ROBO1: variants seen among roughly 807,000 people sequenced by gnomAD.
The protein encoded by ROBO1 is roundabout guidance receptor 1, also known as roundabout homolog 1.
ROBO1 carries 149 observed loss-of-function variants against 195.9 expected under a neutral mutation model. The observed-to-expected ratio is 0.76, with a 90% CI of 0.67 to 0.87. ROBO1 has a LOEUF of 0.87. ROBO1 is among the 40% of genes least tolerant of loss of function. The pLI, the probability that ROBO1 is intolerant of heterozygous loss-of-function variation, is 0.00. For missense variants in ROBO1, 1,933 were observed against 2,068.3 expected (o/e 0.93, Z 1.27); for synonymous variants, 816 against 733.2 (o/e 1.11, Z -1.82).
chr3:79,681,895 A>G (rs891891718), intron 1 of ROBO1, among the ~76,000 whole-genome samples: 4 of 152,042 alleles, frequency 2.6e-5, no homozygotes, highest in Non-Finnish European at 5.9e-5. Context: ...TTATGTTTGT[A>G]TGCTTGCTGA....
intron 1 of ROBO1, among the ~76,000 whole-genome samples, chr3:79,682,499 C>G (rs1468709966): frequency 1.3e-5 from 2 of 151,994 alleles, no homozygotes; most frequent in Non-Finnish European, 2.9e-5. Context: ...CTCCTAAAAT[C>G]ATATATCAGA....
intron 2 of ROBO1, among the ~76,000 whole-genome samples, chr3:79,311,571 A>C (rs1359756880): frequency 6.6e-6 from 1 of 152,186 alleles, no homozygotes; most frequent in Non-Finnish European, 1.5e-5. Flanking sequence ...GAAGACATAG[A>C]GATCTAGGTC....
chr3:79,448,688 T>G (rs1174630198), intron 2 of ROBO1, among the ~76,000 whole-genome samples: 1 of 152,176 alleles, frequency 6.6e-6, no homozygotes, highest in Non-Finnish European at 1.5e-5. Flanking sequence ...CTTTTTCTTC[T>G]TTTAGTAATA....
intron 2 of ROBO1, among the ~76,000 whole-genome samples, chr3:79,523,188 C>T (rs1251229653): frequency 6.7e-6 from 1 of 149,306 alleles, no homozygotes; most frequent in South Asian, 2.1e-4. Flanking sequence ...CACACACACA[C>T]ACACACAAAT....
At chr3:79,491,784 T>G (rs1010399141) in intron 2 of ROBO1, among the ~76,000 whole-genome samples, 19 of 76,448 alleles carry the variant, frequency 2.5e-4, no homozygotes, top group African/African-American at 1.0e-3. Context: ...TAATCTGACT[T>G]TTTTTTTTTT....
chr3:79,736,293 C>G (rs949402418), intron 1 of ROBO1, among the ~76,000 whole-genome samples: 1 of 152,084 alleles, frequency 6.6e-6, no homozygotes, highest in African/African-American at 2.4e-5. Flanking sequence ...AGAACATGAA[C>G]AAATGAAGGT....
At chr3:79,684,213 T>C (rs1947033263) in intron 1 of ROBO1, among the ~76,000 whole-genome samples, 1 of 152,192 alleles carries the variant, frequency 6.6e-6, no homozygotes, top group Non-Finnish European at 1.5e-5. Flanking sequence ...ATGTTCAGCA[T>C]CTTTTCAAAT....
At chr3:78,933,751 T>C (rs2039656719) in intron 4 of ROBO1, among the ~76,000 whole-genome samples, 1 of 152,116 alleles carries the variant, frequency 6.6e-6, no homozygotes, top group African/African-American at 2.4e-5. Context: ...TTTACTTAAG[T>C]GGACAAATAT....
chr3:78,721,925 G>A (rs1038653569), intron 5 of ROBO1, among the ~76,000 whole-genome samples: 1 of 152,122 alleles, frequency 6.6e-6, no homozygotes, highest in Admixed American at 6.6e-5. Flanking sequence ...GGGGGATTTA[G>A]TTAACAAGAG....
At chr3:79,141,547 C>A (rs2080526092) in intron 2 of ROBO1, among the ~76,000 whole-genome samples, 1 of 146,616 alleles carries the variant, frequency 6.8e-6, no homozygotes, top group South Asian at 2.2e-4. Context: ...GTGAGAGTGG[C>A]AATGGTGGTT....
intron 1 of ROBO1, among the ~76,000 whole-genome samples, chr3:79,647,988 G>C (rs1945884216): frequency 6.6e-6 from 1 of 151,982 alleles, no homozygotes; most frequent in Admixed American, 6.6e-5. Flanking sequence ...TATGCCTTAG[G>C]AACTTAACTC....
chr3:79,630,662 G>C (rs932863154), intron 1 of ROBO1, among the ~76,000 whole-genome samples: 10 of 151,820 alleles, frequency 6.6e-5, no homozygotes, highest in Non-Finnish European at 1.2e-4. Context: ...GAAATAAAAG[G>C]CATCCAAATT....
chr3:79,579,936 T>C (rs1270761924), intron 2 of ROBO1, among the ~76,000 whole-genome samples: 1 of 152,130 alleles, frequency 6.6e-6, no homozygotes, highest in Admixed American at 6.6e-5. Flanking sequence ...CAGTTCATTG[T>C]ATTAGTGATG....
chr3:79,406,894 T>A (rs1260788242), intron 2 of ROBO1, among the ~76,000 whole-genome samples: 1 of 152,084 alleles, frequency 6.6e-6, no homozygotes, highest in Non-Finnish European at 1.5e-5. Context: ...AAACATGGAA[T>A]TACCAACACA....
At chr3:79,745,268 C>T (rs943622843) in intron 1 of ROBO1, among the ~76,000 whole-genome samples, 1 of 152,036 alleles carries the variant, frequency 6.6e-6, no homozygotes. Context: ...GATGTAACAT[C>T]TAAATAGAAT....
intron 2 of ROBO1, among the ~76,000 whole-genome samples, chr3:79,291,214 T>C (rs2032226482): frequency 6.6e-6 from 1 of 152,174 alleles, no homozygotes; most frequent in African/African-American, 2.4e-5. Flanking sequence ...TGCTTAGCAA[T>C]GCTTTGAACT....
At chr3:79,358,442 G>A (rs762582920) in intron 2 of ROBO1, among the ~76,000 whole-genome samples, 37 of 151,982 alleles carry the variant, frequency 2.4e-4, no homozygotes, top group Non-Finnish European at 5.0e-4. Context: ...ATCCTGAGAA[G>A]CTATAAATGG....
intron 2 of ROBO1, among the ~76,000 whole-genome samples, chr3:79,129,009 G>T (rs758388707): frequency 1.4e-4 from 22 of 151,948 alleles, no homozygotes; most frequent in Non-Finnish European, 2.9e-4. Flanking sequence ...TGAGTCCAAG[G>T]CTTCGATTAT....
At chr3:78,652,356 T>C (rs1398372041) in intron 18 of ROBO1, among the ~76,000 whole-genome samples, 1 of 152,044 alleles carries the variant, frequency 6.6e-6, no homozygotes, top group East Asian at 1.9e-4. Flanking sequence ...TCACGGACAA[T>C]AAACTTTCTC....
Sources: gnomAD v4.1 joint callset for allele counts (sites outside exome capture counted in the v4.1 genomes callset) on GRCh38, gnomAD v4.1.1 for gene constraint, MANE v1.5 for transcripts, NCBI Gene and HGNC (gene_info 2026-07-23, HGNC 2026-07-21) for gene names.